Variants in ROBO2 observed in about 807,000 individuals in gnomAD.
The protein encoded by ROBO2 is roundabout guidance receptor 2.
A neutral mutation model predicts 160.8 loss-of-function variants in ROBO2; 53 were observed. The ratio of observed to expected loss-of-function variants is 0.33; its 90% CI spans 0.26 to 0.41. The LOEUF (loss-of-function observed/expected upper bound fraction) is 0.41. Ranked by LOEUF, ROBO2 falls within the 10% of genes least tolerant of loss-of-function variation. The pLI is 1.00. For synonymous variants in ROBO2, 664 were observed against 611.7 expected, an observed-to-expected ratio of 1.09 and a Z score of -1.26; for missense variants, 1,577 against 1,722.4, an observed-to-expected ratio of 0.92 and a Z score of 1.49.
chr3:77,163,676 T>C (rs1242778570), intron 2 of ROBO2, among the ~76,000 whole-genome samples: 1 of 152,240 alleles, frequency 6.6e-6, no homozygotes, highest in Non-Finnish European at 1.5e-5. Flanking sequence ...TCAACCTGAC[T>C]GACAATTCTA....
intron 2 of ROBO2, among the ~76,000 whole-genome samples, chr3:76,464,909 C>T (rs1279137935): frequency 2.0e-5 from 3 of 152,006 alleles, no homozygotes; most frequent in East Asian, 1.9e-4. Context: ...CTATACAATA[C>T]CAAGTATTAT....
chr3:76,093,334 T>C (rs369289086), intron 2 of ROBO2, among the ~76,000 whole-genome samples: 5 of 152,114 alleles, frequency 3.3e-5, no homozygotes, highest in Admixed American at 6.6e-5. Flanking sequence ...CATGCTAAAA[T>C]AGATCATCTT....
At chr3:76,378,474 G>A (rs1217911493) in intron 2 of ROBO2, among the ~76,000 whole-genome samples, 4 of 152,076 alleles carry the variant, frequency 2.6e-5, no homozygotes, top group Admixed American at 1.3e-4. Flanking sequence ...AGAAACGTTC[G>A]ACGAGTAGGA....
intron 2 of ROBO2, among the ~76,000 whole-genome samples, chr3:76,604,049 C>T (rs1013462140): frequency 1.1e-4 from 17 of 152,078 alleles, no homozygotes; most frequent in African/African-American, 4.1e-4. Flanking sequence ...AAAGCCATGG[C>T]TTAATAATAC....
At chr3:77,108,273 CATAT>C (rs72449818) in intron 2 of ROBO2, among the ~76,000 whole-genome samples, 6,026 of 88,834 alleles carry the variant, frequency 0.068, 268 homozygotes, top group Middle Eastern at 0.097. Flanking sequence ...TACACATATG[CATAT>C]ATATATATGT....
chr3:76,288,615 G>T (rs71195259), intron 2 of ROBO2, among the ~76,000 whole-genome samples: 8,517 of 152,050 alleles, frequency 0.056, 249 homozygotes, highest in African/African-American at 0.068. Flanking sequence ...CAGCACCTGA[G>T]AGTTTTCAAT....
At chr3:77,085,282 G>A (rs2069157697) in intron 1 of ROBO2, among the ~76,000 whole-genome samples, 1 of 151,996 alleles carries the variant, frequency 6.6e-6, no homozygotes, top group African/African-American at 2.4e-5. Flanking sequence ...TTAATGCATT[G>A]CATAAAGTGA....
At chr3:76,410,322 C>G (rs531412941) in intron 2 of ROBO2, among the ~76,000 whole-genome samples, 1 of 152,036 alleles carries the variant, frequency 6.6e-6, no homozygotes, top group Non-Finnish European at 1.5e-5. Flanking sequence ...GCAGGACGGA[C>G]GGTGTATATA....
At chr3:76,798,542 A>G (rs932620881) in intron 2 of ROBO2, among the ~76,000 whole-genome samples, 1 of 152,196 alleles carries the variant, frequency 6.6e-6, no homozygotes, top group African/African-American at 2.4e-5. Context: ...CTTTCAACTG[A>G]TGCTGAAAAC....
intron 2 of ROBO2, among the ~76,000 whole-genome samples, chr3:76,667,415 A>G (rs2092091972): frequency 6.6e-6 from 1 of 152,206 alleles, no homozygotes; most frequent in Non-Finnish European, 1.5e-5. Context: ...ATGTTTGAAA[A>G]AATGTAGAGA....
rs564799392 is a variant in ROBO2, at chr3:77,549,942, C to A, written c.1060-876C>A. Among the ~76,000 whole-genome samples, 16 of 151,972 alleles carry A rather than the reference C, an allele frequency of 1.1e-4. No individual in the cohort carries two copies. The East Asian group carries it at 3.1e-3, about 30-fold the overall frequency. Reference sequence around the variant, plus strand: ...AATACAACATAAAAATTGATATCTCCTTATTTATAATCCAACTTGGAAACA... The same window carrying A: ...AATACAACATAAAAATTGATATCTCATTATTTATAATCCAACTTGGAAACA... On this transcript the variant is annotated intron_variant, in intron 7 of 25. Coordinates refer to ENST00000461745, the Ensembl canonical transcript of ROBO2.
At chr3:77,196,406 A>C (rs1264937660) in intron 2 of ROBO2, among the ~76,000 whole-genome samples, 1 of 151,466 alleles carries the variant, frequency 6.6e-6, no homozygotes, top group Non-Finnish European at 1.5e-5. Flanking sequence ...GAATTGCTAA[A>C]TTGTTTTTGT....
chr3:77,443,753 T>G (rs1285924406), intron 2 of ROBO2, among the ~76,000 whole-genome samples: 1 of 152,046 alleles, frequency 6.6e-6, no homozygotes, highest in Non-Finnish European at 1.5e-5. Flanking sequence ...ATTTGGAGAG[T>G]TCTTGTCTCT....
chr3:77,493,219 C>T (rs769228692), intron 4 of ROBO2, 25 bp from the exon 5 acceptor site: 2 of 1,610,462 alleles, frequency 1.2e-6, no homozygotes, highest in Non-Finnish European at 1.7e-6. Flanking sequence ...TCTCATTTTA[C>T]CATTGTTTCA....
upstream of ROBO2, among the ~76,000 whole-genome samples, chr3:77,036,648 C>T (rs980061278): frequency 6.6e-6 from 1 of 151,886 alleles, no homozygotes; most frequent in African/African-American, 2.4e-5. Context: ...TATATAATAC[C>T]TTTCCAGGTT....
chr3:76,073,034 T>A, intron 2 of ROBO2, among the ~76,000 whole-genome samples: 1 of 152,104 alleles, frequency 6.6e-6, no homozygotes, highest in Admixed American at 6.5e-5. Context: ...TTTGTTTTAT[T>A]TTATTTTGTC....
intron 2 of ROBO2, among the ~76,000 whole-genome samples, chr3:76,959,808 AG>A (rs1433093771): frequency 1.3e-5 from 2 of 152,158 alleles, no homozygotes; most frequent in African/African-American, 4.8e-5. Flanking sequence ...AGTTGACTAA[AG>A]GGAGTTGTTA....
At chr3:77,195,461 A>C (rs2082229767) in intron 2 of ROBO2, among the ~76,000 whole-genome samples, 1 of 152,218 alleles carries the variant, frequency 6.6e-6, no homozygotes, top group Non-Finnish European at 1.5e-5. Context: ...AAGAAAAAAA[A>C]TCTAAACTGA....
At chr3:77,575,210 G>A (rs111240634) in intron 14 of ROBO2, among the ~76,000 whole-genome samples, 2,897 of 152,170 alleles carry the variant, frequency 0.019, 39 homozygotes, top group Middle Eastern at 0.027. Flanking sequence ...TTTCTTCTTA[G>A]TGAAGTTCCC....
Sources: gnomAD v4.1 joint callset for allele counts (sites outside exome capture counted in the v4.1 genomes callset) on GRCh38, gnomAD v4.1.1 for gene constraint, MANE v1.5 for transcripts, NCBI Gene and HGNC (gene_info 2026-07-23, HGNC 2026-07-21) for gene names.